Variants in SLC9A9 observed in about 807,000 individuals in gnomAD.
The protein encoded by SLC9A9 is solute carrier family 9 member A9.
SLC9A9 carries 62 observed loss-of-function variants against 77.8 expected under a neutral mutation model. That is an observed-to-expected ratio of 0.80 (90% CI 0.65 to 0.98). The LOEUF is 0.98. Among genes scored for constraint, SLC9A9 ranks in the 50% least tolerant of loss-of-function variants. The pLI, the probability that SLC9A9 is intolerant of heterozygous loss-of-function variation, is 0.00. For synonymous variants in SLC9A9, 320 were observed against 283.5 expected (o/e 1.13, Z -1.29); for missense variants, 775 against 774.9 (o/e 1.00, Z 0.00).
intron 14 of SLC9A9, among the ~76,000 whole-genome samples, chr3:143,360,941 C>T (rs1441855775): frequency 5.3e-5 from 8 of 152,152 alleles, no homozygotes; most frequent in African/African-American, 9.7e-5. Context: ...ATCCTCAATA[C>T]GGTGTGTGGG....
chr3:143,730,309 C>T (rs577420137), intron 4 of SLC9A9, among the ~76,000 whole-genome samples: 6 of 152,316 alleles, frequency 3.9e-5, no homozygotes, highest in African/African-American at 7.2e-5. Flanking sequence ...ACTTCTCCTC[C>T]TTACAGGATC....
intron 9 of SLC9A9, among the ~76,000 whole-genome samples, chr3:143,540,789 T>C (rs1388134169): frequency 6.6e-6 from 1 of 152,224 alleles, no homozygotes; most frequent in Non-Finnish European, 1.5e-5. Context: ...CTTCACCTTG[T>C]AGATTTTATG....
intron 14 of SLC9A9, among the ~76,000 whole-genome samples, chr3:143,342,835 T>C (rs1312192168): frequency 2.0e-5 from 3 of 152,240 alleles, no homozygotes; most frequent in African/African-American, 7.2e-5. Context: ...TGCAGGTGCA[T>C]GTGCATGCAA....
chr3:143,698,374 G>A (rs1339390491), intron 4 of SLC9A9, among the ~76,000 whole-genome samples: 2 of 152,212 alleles, frequency 1.3e-5, no homozygotes, highest in Admixed American at 6.5e-5. Flanking sequence ...TGGTGCTATA[G>A]TGCATATAAA....
At position 143,764,940 on chromosome 3, in the gene SLC9A9, T is replaced by TCC. The variant is rs201856163; in HGVS notation, c.533+30060_533+30061insGG. On this transcript the variant is annotated intron_variant, in intron 4 of 15. Coordinates refer to ENST00000316549, the MANE Select transcript of SLC9A9 (RefSeq NM_173653.4). ...CAATTAAACCAGGAAACATTTTTCTTTCTTCCTTCCTTCCTTTTTGTTTCT... is the reference window on the plus strand; with the variant it reads ...CAATTAAACCAGGAAACATTTTTCTTCCTCTTCCTTCCTTCCTTTTTGTTTCT... Among the ~76,000 whole-genome samples the TCC allele has an allele frequency of 7.8e-3, 1,181 of 151,312 alleles. 10 individuals carry two copies. Among genetic ancestry groups the TCC allele is most frequent in the African/African-American group, 0.027 (1,104 of 40,972 alleles).
At chr3:143,822,678 C>G (rs2009197401) in intron 2 of SLC9A9, among the ~76,000 whole-genome samples, 1 of 152,168 alleles carries the variant, frequency 6.6e-6, no homozygotes. Context: ...CGCTGGAGAC[C>G]AGCAATGATA....
Position 143,266,668 on chromosome 3 carries a change from T to C in SLC9A9, c.*34A>G, listed in dbSNP as rs1395705967. ...CTTGTATTCCTCAGTGAGTCTTGCA[T>C]TACTTGTGATTACATCTGTACTCTT... On this transcript the variant is annotated 3_prime_UTR_variant, in exon 16 of 16. Coordinates refer to ENST00000316549, the MANE Select transcript of SLC9A9 (RefSeq NM_173653.4). The C allele has an allele frequency of 6.2e-6, 10 of 1,609,780 alleles. No individual in the cohort carries two copies. The highest frequency in any genetic ancestry group is 7.7e-6 in the Non-Finnish European group (9 of 1,176,338).
At chr3:143,579,559 T>C (rs1352995553) in intron 6 of SLC9A9, among the ~76,000 whole-genome samples, 4 of 152,220 alleles carry the variant, frequency 2.6e-5, no homozygotes, top group South Asian at 4.1e-4. Context: ...AATGAACATA[T>C]GTGCTAGATC....
intron 1 of SLC9A9, among the ~76,000 whole-genome samples, chr3:143,842,956 CAT>C (rs1237562322): frequency 1.3e-5 from 2 of 152,094 alleles, no homozygotes; most frequent in Non-Finnish European, 2.9e-5. Flanking sequence ...GGAAGGGAGA[CAT>C]GTGATATCTG....
chr3:143,269,098 A>G, intron 14 of SLC9A9, 118 bp from the exon 15 acceptor site: 1 of 758,562 alleles, frequency 1.3e-6, no homozygotes, highest in Non-Finnish European at 2.3e-6. Context: ...CTACTCCCTC[A>G]CTTAGGAAGA....
chr3:143,627,975 G>A (rs1349415968), intron 6 of SLC9A9, among the ~76,000 whole-genome samples: 1 of 152,232 alleles, frequency 6.6e-6, no homozygotes, highest in Non-Finnish European at 1.5e-5. Context: ...GCTGCCAGGA[G>A]GGCAGCCCAT....
chr3:143,751,642 G>C (rs1576701957), intron 4 of SLC9A9, among the ~76,000 whole-genome samples: 1 of 152,224 alleles, frequency 6.6e-6, no homozygotes, highest in East Asian at 1.9e-4. Flanking sequence ...CCACAGGTCT[G>C]ATCCCAAAAG....
chr3:143,332,252 C>T (rs1365511876), intron 14 of SLC9A9, among the ~76,000 whole-genome samples: 1 of 152,112 alleles, frequency 6.6e-6, no homozygotes, highest in African/African-American at 2.4e-5. Context: ...GTATTCTTTC[C>T]TGCTGAGCCC....
intron 2 of SLC9A9, among the ~76,000 whole-genome samples, chr3:143,815,375 A>T (rs1278682949): frequency 2.6e-5 from 4 of 152,154 alleles, no homozygotes; most frequent in Admixed American, 6.5e-5. Flanking sequence ...AGGCCATCAA[A>T]GGGAGAAGCT....
chr3:143,374,618 T>C (rs1399969280), intron 13 of SLC9A9, among the ~76,000 whole-genome samples: 1 of 151,766 alleles, frequency 6.6e-6, no homozygotes, highest in African/African-American at 2.4e-5. Context: ...TTATGTTAAA[T>C]TTTTAAATTA....
intron 4 of SLC9A9, among the ~76,000 whole-genome samples, chr3:143,711,000 A>G (rs559489020): frequency 2.0e-5 from 3 of 152,306 alleles, no homozygotes; most frequent in South Asian, 2.1e-4. Context: ...ATTTAACTCA[A>G]ATTAGGATGT....
intron 14 of SLC9A9, among the ~76,000 whole-genome samples, chr3:143,298,386 T>C (rs189093941): frequency 6.6e-6 from 1 of 152,346 alleles, no homozygotes; most frequent in Admixed American, 6.5e-5. Flanking sequence ...TGTTGGATCA[T>C]AGTCCAGAGC....
chr3:143,517,751 T>A (rs2036229178), intron 9 of SLC9A9: 29 of 1,598,164 alleles, frequency 1.8e-5, no homozygotes, highest in Admixed American at 1.0e-4. Context: ...CTTCTGTAAT[T>A]TGACGAAGAC....
chr3:143,624,296 G>A (rs2038276795), intron 6 of SLC9A9, among the ~76,000 whole-genome samples: 1 of 152,124 alleles, frequency 6.6e-6, no homozygotes, highest in African/African-American at 2.4e-5. Flanking sequence ...ACCAAAGCCT[G>A]GCAGAGACAC....
Sources: gnomAD v4.1 joint callset for allele counts (sites outside exome capture counted in the v4.1 genomes callset) on GRCh38, gnomAD v4.1.1 for gene constraint, MANE v1.5 for transcripts, NCBI Gene and HGNC (gene_info 2026-07-23, HGNC 2026-07-21) for gene names.